The following ZNF699 variants were observed in gnomAD, a reference collection of about 807,000 sequenced individuals.
ZNF699 encodes the protein hangover homolog.
In ZNF699, 18 loss-of-function variants were observed where a neutral mutation model predicts 22.5. The observed-to-expected ratio is 0.80, with a 90% CI of 0.55 to 1.19. The LOEUF (loss-of-function observed/expected upper bound fraction) is 1.19. Ranked by LOEUF, ZNF699 falls within the 50% of genes most tolerant of loss-of-function variation. ZNF699 has a pLI of 0.00. For missense variants in ZNF699, 670 were observed against 763.4 expected (o/e 0.88, Z 1.44); for synonymous variants, 241 against 262.3 (o/e 0.92, Z 0.78).
At chr19:9,302,755 A>G (rs2066312503) in intron 2 of ZNF699, among the ~76,000 whole-genome samples, 1 of 152,212 alleles carries the variant, frequency 6.6e-6, no homozygotes, top group African/African-American at 2.4e-5. Context: ...AATTGGGTCA[A>G]GCCTATAATC....
chr19:9,304,391 T>C (rs891855528), intron 2 of ZNF699, among the ~76,000 whole-genome samples: 2 of 150,788 alleles, frequency 1.3e-5, no homozygotes, highest in Admixed American at 6.6e-5. Flanking sequence ...CTTTCATTTT[T>C]TTCCCCCTCA....
intron 1 of ZNF699, among the ~76,000 whole-genome samples, chr19:9,308,213 C>G (rs773949789): frequency 6.6e-5 from 10 of 152,000 alleles, no homozygotes; most frequent in African/African-American, 9.7e-5. Context: ...TTCCTAGGCT[C>G]AAGCGATCCA....
rs771274394 is a variant in ZNF699 at position 9,295,725 on chromosome 19, T to G, written c.1679A>C (p.Glu560Ala). The G allele has an allele frequency of 2.5e-6, 4 of 1,614,104 alleles. No individual in the cohort carries two copies. Among genetic ancestry groups the G allele is most frequent in the Non-Finnish European group, 1.7e-6 (2 of 1,180,016 alleles). Residue 560 changes from glutamate to alanine, a missense_variant, in exon 6 of 6, where the codon GAA (glutamate) becomes GCA (alanine). Glu to Ala is a moderately radical substitution (Grantham distance 107). Coordinates refer to ENST00000591998, the MANE Select transcript of ZNF699 (RefSeq NM_198535.3). ...MRTHTGEKPYECKECGKAFRH... is the reference protein window; with the variant it reads ...MRTHTGEKPYACKECGKAFRH... ...AAATGCTTTCCCACATTCCTTACAT[T>G]CATAGGGTTTTTCCCCAGTGTGCGT... is the stretch of plus-strand genomic sequence containing the variant.
chr19:9,304,847 A>G (rs377039747), intron 2 of ZNF699, among the ~76,000 whole-genome samples: 1 of 148,350 alleles, frequency 6.7e-6, no homozygotes, highest in Non-Finnish European at 1.5e-5. Flanking sequence ...CGGTTGAACC[A>G]GGGAGTCGAA....
At chr19:9,298,062 A>G (rs2066293771) in intron 3 of ZNF699, 72 bp from the exon 4 acceptor site, 1 of 1,027,552 alleles carries the variant, frequency 9.7e-7, no homozygotes, top group Non-Finnish European at 1.5e-6. Context: ...AAACAGAAAC[A>G]AAACTTTAGT....
At chr19:9,304,035 G>A (rs2066318030) in intron 2 of ZNF699, among the ~76,000 whole-genome samples, 1 of 151,980 alleles carries the variant, frequency 6.6e-6, no homozygotes, top group South Asian at 2.1e-4. Context: ...TGGCCAGACT[G>A]GTCTCGAACT....
In ZNF699 at chr19:9,293,511, G is replaced by A. The variant is rs979549398; in HGVS notation, c.*1964C>T. ...AATTAAAAGTCAAACCACACATTAT[G>A]TTGAGCAAAAGAAGTCAAAACACAT... On this transcript the variant is annotated 3_prime_UTR_variant, in exon 6 of 6. Transcript: ENST00000591998. Among the ~76,000 whole-genome samples, 3 of 152,160 alleles carry A rather than the reference G, an allele frequency of 2.0e-5. No individual in the cohort carries two copies. The highest frequency in any genetic ancestry group is 7.2e-5 in the African/African-American group (3 of 41,448).
chr19:9,308,123 C>T (rs1187783399), intron 1 of ZNF699, among the ~76,000 whole-genome samples: 1 of 151,966 alleles, frequency 6.6e-6, no homozygotes, highest in Non-Finnish European at 1.5e-5. Context: ...ATGAAACTGA[C>T]AAACTCAGCT....
chr19:9,304,957 C>A, intron 2 of ZNF699, 115 bp downstream of exon 2: 1 of 705,316 alleles, frequency 1.4e-6, no homozygotes, highest in South Asian at 2.0e-5. Flanking sequence ...CCTTCAGTGC[C>A]TAAAATACTA....
intron 3 of ZNF699, among the ~76,000 whole-genome samples, chr19:9,299,143 T>C (rs1172646742): frequency 6.6e-6 from 1 of 152,250 alleles, no homozygotes; most frequent in East Asian, 1.9e-4. Context: ...AAATTTTTTT[T>C]CTTTTTTTTG....
At position 9,295,423 on chromosome 19, in the gene ZNF699, C is replaced by T; in HGVS notation, c.*52G>A. 1 of 1,543,004 alleles carries T rather than the reference C, an allele frequency of 6.5e-7. No individual in the cohort carries two copies. The highest frequency in any genetic ancestry group is 1.3e-5 in the South Asian group (1 of 78,594). The stretch of plus-strand genomic sequence containing the variant: ...AGGGTGTCTCCACAGTATGAGATCT[C>T]ACATGTTGCCTAGGATCTGAAGCTT... On this transcript the variant is annotated 3_prime_UTR_variant, in exon 6 of 6. Coordinates refer to ENST00000591998, the MANE Select transcript of ZNF699 (RefSeq NM_198535.3).
rs2066266678 is a variant in ZNF699, at chr19:9,291,845, T to TTATAG, written c.*3625_*3629dup. On this transcript the variant is annotated 3_prime_UTR_variant, in exon 6 of 6. Transcript: ENST00000591998. The stretch of plus-strand genomic sequence containing the variant: ...GCCCCAGCCTCCTGAGTAGCTGAGA[T>TTATAG]TATAGGCACAGGCCACCACGCCTGG... 1 of 152,006 alleles carries TTATAG rather than the reference T, an allele frequency of 6.6e-6. No homozygotes were observed. Among genetic ancestry groups the TTATAG allele is most frequent in the East Asian group, 1.9e-4 (1 of 5,184 alleles). 9.4% of individuals were successfully genotyped at this position (152,006 alleles called of 1,614,324 possible). A position where few individuals can be genotyped will look rare whatever the true frequency, so the allele number is the denominator to read the frequency against.
intron 1 of ZNF699, among the ~76,000 whole-genome samples, chr19:9,305,828 A>G (rs62104786): frequency 0.38 from 57,513 of 151,280 alleles, 12,815 homozygotes; most frequent in Non-Finnish European, 0.49. Flanking sequence ...CAGCCTCCCC[A>G]GTAGCTGGGA....
Position 9,294,671 on chromosome 19 carries a change from G to A in ZNF699, c.*804C>T, listed in dbSNP as rs1391135076. 1.3e-5 allele frequency: 2 copies of A among 152,110 alleles called. No homozygotes were observed. Among genetic ancestry groups the A allele is most frequent in the Non-Finnish European group, 2.9e-5 (2 of 68,026 alleles). The allele number at this position is 152,110 out of a possible 1,614,324, so 9.4% of individuals were successfully genotyped here. ...AGTGATTCTGGGAAATGTAGTTAATGTAACACAATTTTTACACTCAAAACA... is the reference window on the plus strand; with the variant it reads ...AGTGATTCTGGGAAATGTAGTTAATATAACACAATTTTTACACTCAAAACA... On this transcript the variant is annotated 3_prime_UTR_variant, in exon 6 of 6. Transcript: ENST00000591998.
intron 2 of ZNF699, 56 bp from the exon 3 acceptor site, chr19:9,302,560 G>A: frequency 6.6e-7 from 1 of 1,516,264 alleles, no homozygotes; most frequent in South Asian, 1.3e-5. Context: ...ATGTGTACAA[G>A]AGGACAGATG....
In ZNF699 at chr19:9,291,173, C is replaced by T. The variant is rs1030300963; in HGVS notation, c.*4302G>A. Among the ~76,000 whole-genome samples, 2 of 152,172 alleles carry T rather than the reference C, an allele frequency of 1.3e-5. No homozygotes were observed. Among genetic ancestry groups the T allele is most frequent in the African/African-American group, 4.8e-5 (2 of 41,540 alleles). ...CAACCTAGGTAAATGGACAATTATA[C>T]CATATTCATCAACTGGAAAACTCGA... is the stretch of plus-strand genomic sequence containing the variant. On this transcript the variant is annotated 3_prime_UTR_variant, in exon 6 of 6. Transcript: ENST00000591998.
chr19:9,304,460 G>A (rs2066319520), intron 2 of ZNF699, among the ~76,000 whole-genome samples: 1 of 151,948 alleles, frequency 6.6e-6, no homozygotes, highest in East Asian at 1.9e-4. Flanking sequence ...GCCCACAGCT[G>A]GTCATACTTT....
In ZNF699 at chr19:9,303,011, A is replaced by AC. The variant is rs540505864; in HGVS notation, c.49-508_49-507insG. Among the ~76,000 whole-genome samples, 1,058 of 152,092 alleles carry AC rather than the reference A, an allele frequency of 7.0e-3. 7 individuals are homozygous for AC. The highest frequency in any genetic ancestry group is 0.024 in the African/African-American group (997 of 41,422). ...CCACTGCACTCTAGCCTGGACAAAA[A>AC]AAAACAAAAACAAAAACAAAAAAAC... On this transcript the variant is annotated intron_variant, in intron 2 of 5. Coordinates refer to ENST00000591998, the MANE Select transcript of ZNF699 (RefSeq NM_198535.3).
Position 9,296,809 on chromosome 19 carries a change from C to CATGG in ZNF699, c.591_594dup (p.Glu199ProfsTer2). The CATGG allele has an allele frequency of 6.2e-7, 1 of 1,614,190 alleles. No individual in the cohort carries two copies. The highest frequency in any genetic ancestry group is 8.5e-7 in the Non-Finnish European group (1 of 1,180,036). ...TGATCCACGAAGGCCTTTCCACACT[C>CATGG]ATGGCATTCACAGGATTTTACTTCA... On this transcript the variant is annotated frameshift_variant, in exon 6 of 6. Transcript: ENST00000591998. LOFTEE classifies it low-confidence loss of function (END_TRUNC).
Sources: allele counts gnomAD v4.1 joint callset (sites outside exome capture counted in the v4.1 genomes callset), GRCh38; gene constraint gnomAD v4.1.1; transcripts MANE v1.5; gene names NCBI Gene and HGNC (gene_info 2026-07-23, HGNC 2026-07-21).